TRNAU1AP: variants seen among roughly 807,000 people sequenced by gnomAD.
TRNAU1AP encodes the protein tRNA selenocysteine 1-associated protein 1.
In TRNAU1AP, 33 loss-of-function variants were observed where a neutral mutation model predicts 43.3. The observed-to-expected ratio is 0.76, with a 90% confidence interval of 0.58 to 1.02. TRNAU1AP has a LOEUF of 1.02. Among genes scored for constraint, TRNAU1AP ranks in the 50% least tolerant of loss-of-function variants. The pLI, the probability that TRNAU1AP is intolerant of heterozygous loss-of-function variation, is 0.00. For missense variants in TRNAU1AP, 290 were observed against 362.7 expected, an observed-to-expected ratio of 0.80 and a Z score of 1.63; for synonymous variants, 143 against 129.1, an observed-to-expected ratio of 1.11 and a Z score of -0.73.
intron 8 of TRNAU1AP, among the ~76,000 whole-genome samples, chr1:28,573,156 C>T (rs1665698469): frequency 2.0e-5 from 3 of 148,884 alleles, no homozygotes; most frequent in African/African-American, 7.3e-5. Flanking sequence ...GCCTCAGCCT[C>T]CCGAAGAGCT....
intron 6 of TRNAU1AP, 52 bp downstream of exon 6, chr1:28,567,465 C>T: frequency 6.5e-7 from 1 of 1,535,270 alleles, no homozygotes; most frequent in Non-Finnish European, 8.7e-7. Flanking sequence ...CCAGACACTC[C>T]TCTTTTGTTT....
intron 5 of TRNAU1AP, 112 bp from the exon 6 acceptor site, chr1:28,567,182 T>G: frequency 8.5e-7 from 1 of 1,176,060 alleles, no homozygotes. Context: ...CTTCTCAGCC[T>G]CTTTTCCTTT....
intron 3 of TRNAU1AP, 112 bp downstream of exon 3, chr1:28,560,844 C>A: frequency 1.0e-6 from 1 of 984,204 alleles, no homozygotes; most frequent in Non-Finnish European, 1.5e-6. Flanking sequence ...CAACCCTTTA[C>A]AGTAGGCATT....
chr1:28,555,123 G>A (rs1009393755), intron 2 of TRNAU1AP, among the ~76,000 whole-genome samples: 8 of 151,796 alleles, frequency 5.3e-5, no homozygotes, highest in Non-Finnish European at 1.2e-4. Flanking sequence ...CCAGCTACCT[G>A]GGAGGCTGAG....
At chr1:28,553,852 A>G (rs1665191566) in intron 2 of TRNAU1AP, 115 bp downstream of exon 2, 4 of 934,764 alleles carry the variant, frequency 4.3e-6, no homozygotes, top group Middle Eastern at 2.6e-4. Flanking sequence ...CTGTAAAATT[A>G]TAACAGCTAA....
At chr1:28,561,844 G>A (rs1332943602) in intron 4 of TRNAU1AP, among the ~76,000 whole-genome samples, 10 of 152,090 alleles carry the variant, frequency 6.6e-5, no homozygotes, top group African/African-American at 1.7e-4. Context: ...AGGCCAAGGC[G>A]GGCGGATCAC....
In TRNAU1AP at chr1:28,577,722, G is replaced by T. The variant is rs1570263490; in HGVS notation, c.*86G>T. 1 of 1,370,120 alleles carries T rather than the reference G, an allele frequency of 7.3e-7. No homozygotes were observed. The highest frequency in any genetic ancestry group is 2.4e-5 in the East Asian group (1 of 42,028). The allele number at this position is 1,370,120 out of a possible 1,614,324, so 84.9% of individuals were successfully genotyped here. A position where few individuals can be genotyped will look rare whatever the true frequency, so the allele number is the denominator to read the frequency against. On this transcript the variant is annotated 3_prime_UTR_variant, in exon 9 of 9. Coordinates refer to ENST00000373830, the MANE Select transcript of TRNAU1AP (RefSeq NM_017846.5). ...AATTGTGAAACCTTTTTGGAAATAT[G>T]ATTTGTAAGATTTTAATAATGACTG...
intron 2 of TRNAU1AP, among the ~76,000 whole-genome samples, chr1:28,556,895 G>A (rs919924936): frequency 6.6e-6 from 1 of 151,938 alleles, no homozygotes; most frequent in African/African-American, 2.4e-5. Flanking sequence ...GTGTTAGCCA[G>A]GATGGTCTCA....
chr1:28,553,469 C>G (rs1665180441), intron 1 of TRNAU1AP, 171 bp from the exon 2 acceptor site: 1 of 660,076 alleles, frequency 1.5e-6, no homozygotes, highest in Admixed American at 2.9e-5. Context: ...TAAAGCGGGG[C>G]AAGCTTGAAC....
chr1:28,565,105 A>C, intron 5 of TRNAU1AP: 2 of 422,344 alleles, frequency 4.7e-6, no homozygotes, highest in East Asian at 5.3e-5. Flanking sequence ...AAAGGATATA[A>C]TATAAGTAAG....
At chr1:28,558,826 A>C (rs1330268050) in intron 2 of TRNAU1AP, among the ~76,000 whole-genome samples, 1 of 152,032 alleles carries the variant, frequency 6.6e-6, no homozygotes, top group Non-Finnish European at 1.5e-5. Flanking sequence ...CGGCCTCCCA[A>C]AGTGCTGGGA....
At chr1:28,557,538 AT>A (rs955330002) in intron 2 of TRNAU1AP, among the ~76,000 whole-genome samples, 5 of 102,680 alleles carry the variant, frequency 4.9e-5, no homozygotes, top group African/African-American at 2.0e-4. Context: ...ATTACATATT[AT>A]TTTTCCTTGG....
rs749966592 is a variant in TRNAU1AP, at chr1:28,553,156, C to G, written c.27+19C>G. On this transcript the variant is annotated intron_variant, in intron 1 of 8. Transcript: ENST00000373830. ...GGGCGACGTGAGTGAGGGCAGCCGT[C>G]CGGGGTCTGAAGACAAGGAAGCATC... The G allele has an allele frequency of 6.6e-7, 1 of 1,504,504 alleles. No individual in the cohort carries two copies. Among genetic ancestry groups the G allele is most frequent in the South Asian group, 1.3e-5 (1 of 79,834 alleles). 93.2% of individuals were successfully genotyped at this position (1,504,504 alleles called of 1,614,324 possible). A position where few individuals can be genotyped will look rare whatever the true frequency, so the allele number is the denominator to read the frequency against.
intron 8 of TRNAU1AP, among the ~76,000 whole-genome samples, chr1:28,574,060 A>T (rs567601717): frequency 6.7e-6 from 1 of 150,334 alleles, no homozygotes; most frequent in East Asian, 1.9e-4. Context: ...CCTGGGCAAC[A>T]TAACGAGACC....
chr1:28,561,285 A>G (rs761978667), intron 3 of TRNAU1AP, 61 bp from the exon 4 acceptor site: 72 of 1,606,578 alleles, frequency 4.5e-5, no homozygotes, highest in Non-Finnish European at 5.8e-5. Flanking sequence ...TTTTCTTCAA[A>G]TATTGTTCAA....
intron 2 of TRNAU1AP, among the ~76,000 whole-genome samples, chr1:28,557,000 G>A (rs915162100): frequency 8.7e-5 from 13 of 148,844 alleles, no homozygotes; most frequent in African/African-American, 3.0e-4. Context: ...TTTTAGTATA[G>A]ATGGGATTTC....
At chr1:28,570,248 T>C (rs1665634707) in intron 6 of TRNAU1AP, among the ~76,000 whole-genome samples, 1 of 151,752 alleles carries the variant, frequency 6.6e-6, no homozygotes, top group Non-Finnish European at 1.5e-5. Flanking sequence ...CACGTCTGTC[T>C]CTTTTCTTTT....
chr1:28,554,737 G>T (rs890509887), intron 2 of TRNAU1AP, among the ~76,000 whole-genome samples: 4 of 151,808 alleles, frequency 2.6e-5, no homozygotes, highest in Admixed American at 2.0e-4. Flanking sequence ...TCAGCTACTT[G>T]GGGGGCTGAG....
Position 28,561,943 on chromosome 1 carries a change from G to A in TRNAU1AP, c.278+545G>A, listed in dbSNP as rs571739675. Reference sequence around the variant, plus strand: ...ACAAATTAGCCGGGCGTGGTGGCAGGCGCCTGTAGTCCCAGCTACTCAGGA... The same window carrying A: ...ACAAATTAGCCGGGCGTGGTGGCAGACGCCTGTAGTCCCAGCTACTCAGGA... On this transcript the variant is annotated intron_variant, in intron 4 of 8. Transcript: ENST00000373830. 6.6e-5 allele frequency among the ~76,000 whole-genome samples: 10 copies of A among 152,130 alleles called. No individual in the cohort carries two copies. The South Asian group carries it at 2.1e-3, about 32-fold the overall frequency.
Sources: allele counts gnomAD v4.1 joint callset (sites outside exome capture counted in the v4.1 genomes callset), GRCh38; gene constraint gnomAD v4.1.1; transcripts MANE v1.5; gene names NCBI Gene and HGNC (gene_info 2026-07-23, HGNC 2026-07-21).